The following XIRP2 variants were observed in gnomAD, a reference collection of about 807,000 sequenced individuals.
XIRP2 encodes xin actin binding repeat containing 2.
In XIRP2, 236 loss-of-function variants were observed where a neutral mutation model predicts 277.0. That is an observed-to-expected ratio of 0.85 (90% confidence interval 0.77 to 0.95). The LOEUF (loss-of-function observed/expected upper bound fraction) is 0.95, where lower values mean the gene tolerates loss of function less well. Among genes scored for constraint, XIRP2 ranks in the 40% least tolerant of loss-of-function variants. The probability of loss-of-function intolerance (pLI) is 0.00; values close to 1 mark genes in which losing one functional copy is unlikely to be tolerated. For missense variants in XIRP2, 4,640 were observed against 4,157.5 expected (o/e 1.12, Z -3.19); for synonymous variants, 1,490 against 1,416.5 (o/e 1.05, Z -1.17).
rs1413220214 is a variant in XIRP2, at chr2:167,143,432, G to A, written c.562+7370G>A. Among the ~76,000 whole-genome samples, 4 of 152,130 alleles carry A rather than the reference G, an allele frequency of 2.6e-5. No homozygotes were observed. The East Asian group carries it at 7.7e-4, about 29-fold the overall frequency. Reference sequence around the variant, plus strand: ...AAAGAACGCATGTGTGAGAAGGAGGGATAGGAGAAAGGGTGGAAATTCCAA... The same window carrying A: ...AAAGAACGCATGTGTGAGAAGGAGGAATAGGAGAAAGGGTGGAAATTCCAA... On this transcript the variant is annotated intron_variant, in intron 3 of 10. Transcript: ENST00000409195.
At chr2:167,064,658 C>T (rs556241725) in intron 2 of XIRP2, among the ~76,000 whole-genome samples, 1 of 151,886 alleles carries the variant, frequency 6.6e-6, no homozygotes, top group South Asian at 2.1e-4. Flanking sequence ...AACAGCAACT[C>T]CCCTTTCCAT....
At chr2:167,231,013 A>AT (rs1174076172) in intron 5 of XIRP2, among the ~76,000 whole-genome samples, 1 of 152,086 alleles carries the variant, frequency 6.6e-6, no homozygotes, top group Non-Finnish European at 1.5e-5. Context: ...CATTAGTGCA[A>AT]TTACAAATTA....
At chr2:167,049,203 G>A (rs1212955639) in intron 2 of XIRP2, among the ~76,000 whole-genome samples, 2 of 150,738 alleles carry the variant, frequency 1.3e-5, no homozygotes, top group Non-Finnish European at 3.0e-5. Context: ...TTTTTAATCA[G>A]GGTTCATTAC....
chr2:167,141,916 G>A (rs1691729646), intron 3 of XIRP2, among the ~76,000 whole-genome samples: 1 of 152,126 alleles, frequency 6.6e-6, no homozygotes, highest in South Asian at 2.1e-4. Flanking sequence ...AAAGGCAAAT[G>A]TATCTCCTAA....
chr2:167,037,776 A>G (rs1220375156), intron 2 of XIRP2, among the ~76,000 whole-genome samples: 1 of 152,112 alleles, frequency 6.6e-6, no homozygotes, highest in Non-Finnish European at 1.5e-5. Context: ...ACAAGAGTCT[A>G]TGTAAAGAAT....
At chr2:166,937,055 T>C (rs893213521) in intron 2 of XIRP2, among the ~76,000 whole-genome samples, 3 of 152,170 alleles carry the variant, frequency 2.0e-5, no homozygotes, top group Non-Finnish European at 4.4e-5. Flanking sequence ...GCATGGAATG[T>C]TCTTCCATTT....
chr2:167,249,135 A>C lies in XIRP2; in HGVS notation c.7743A>C (p.Thr2581=). The change falls in exon 9 of 11, where the codon ACA becomes ACC. Residue 2581 remains threonine (T), a synonymous_variant. Coordinates refer to ENST00000409195, the MANE Select transcript of XIRP2 (RefSeq NM_152381.6). ...CTCAAAGCCAAAATCAACACATAAC[A>C]GAGGTGGAAAAGGAAATGCCATTAC... ...VKTQSQNQHI[T]EVEKEMPLQK... is the part of the protein sequence containing the mutation. 6.2e-7 allele frequency: 1 copy of C among 1,613,816 alleles called. No individual in the cohort carries two copies.
At chr2:167,135,547 C>T (rs911266674) in intron 2 of XIRP2, among the ~76,000 whole-genome samples, 6 of 151,992 alleles carry the variant, frequency 3.9e-5, no homozygotes, top group African/African-American at 1.4e-4. Flanking sequence ...TTTACATTGC[C>T]ATTTTTTGAA....
chr2:167,214,830 G>A (rs150284848), intron 4 of XIRP2, among the ~76,000 whole-genome samples: 1,935 of 152,180 alleles, frequency 0.013, 44 homozygotes, highest in African/African-American at 0.045. Context: ...ACCTCCCAAA[G>A]TGCTAGGATT....
At chr2:167,037,196 A>T (rs559155266) in intron 2 of XIRP2, among the ~76,000 whole-genome samples, 95 of 152,286 alleles carry the variant, frequency 6.2e-4, no homozygotes, top group African/African-American at 2.0e-3. Context: ...TGCACTATAG[A>T]CCAAACGCAG....
At chr2:167,125,791 G>A (rs983694509) in intron 2 of XIRP2, among the ~76,000 whole-genome samples, 1 of 152,110 alleles carries the variant, frequency 6.6e-6, no homozygotes, top group African/African-American at 2.4e-5. Flanking sequence ...GTTATTTAAT[G>A]CAGTTTGTTT....
intron 2 of XIRP2, among the ~76,000 whole-genome samples, chr2:167,119,346 G>T (rs1048032308): frequency 1.3e-5 from 2 of 152,188 alleles, no homozygotes; most frequent in Non-Finnish European, 2.9e-5. Context: ...AAAGGATACA[G>T]TATCTCTCAG....
intron 2 of XIRP2, among the ~76,000 whole-genome samples, chr2:166,939,679 C>CAAAAAAA (rs138977006): frequency 7.6e-3 from 680 of 88,982 alleles, no homozygotes; most frequent in East Asian, 0.011. Flanking sequence ...GACTCCATCA[C>CAAAAAAA]AAAAAAAAAA....
At chr2:167,115,352 A>G (rs566351557) in intron 2 of XIRP2, among the ~76,000 whole-genome samples, 19 of 152,088 alleles carry the variant, frequency 1.2e-4, no homozygotes, top group African/African-American at 4.6e-4. Context: ...TCTGAATTCT[A>G]TTTCTGTCAT....
intron 2 of XIRP2, among the ~76,000 whole-genome samples, chr2:166,957,648 G>A (rs1156589217): frequency 6.6e-6 from 1 of 151,778 alleles, no homozygotes; most frequent in African/African-American, 2.4e-5. Context: ...CAAGCAAAGT[G>A]TTGCATCCTA....
chr2:167,025,867 A>G (rs1351215922), intron 2 of XIRP2, among the ~76,000 whole-genome samples: 1 of 152,008 alleles, frequency 6.6e-6, no homozygotes, highest in Non-Finnish European at 1.5e-5. Context: ...GGAGAGCTTT[A>G]CTTCCAACTA....
At chr2:166,983,660 T>C (rs546030573) in intron 2 of XIRP2, among the ~76,000 whole-genome samples, 1 of 152,332 alleles carries the variant, frequency 6.6e-6, no homozygotes, top group South Asian at 2.1e-4. Context: ...TACCAACCTT[T>C]CTAAATTTGA....
chr2:167,055,234 CATGCTCAAAT>C (rs1428343935), intron 2 of XIRP2, among the ~76,000 whole-genome samples: 1 of 152,118 alleles, frequency 6.6e-6, no homozygotes, highest in African/African-American at 2.4e-5. Context: ...GCTCTGTGTC[CATGCTCAAAT>C]GAGAACTGAG....
chr2:166,948,981 C>T (rs543160770), intron 2 of XIRP2, among the ~76,000 whole-genome samples: 1 of 152,068 alleles, frequency 6.6e-6, no homozygotes, highest in South Asian at 2.1e-4. Flanking sequence ...GTACTCCACC[C>T]TACAAATCAC....
Sources: allele counts gnomAD v4.1 joint callset (sites outside exome capture counted in the v4.1 genomes callset), GRCh38; gene constraint gnomAD v4.1.1; transcripts MANE v1.5; gene names NCBI Gene and HGNC (gene_info 2026-07-23, HGNC 2026-07-21).